Variants in TSHZ2 observed in about 807,000 individuals in gnomAD.
The protein encoded by TSHZ2 is teashirt zinc finger homeobox 2.
In TSHZ2, 21 loss-of-function variants were observed where a neutral mutation model predicts 74.4. The observed-to-expected ratio is 0.28, with a 90% CI of 0.20 to 0.41. The LOEUF (loss-of-function observed/expected upper bound fraction) is 0.41. TSHZ2 is among the 10% of genes least tolerant of loss of function. TSHZ2 has a pLI of 1.00. For synonymous variants in TSHZ2, 540 were observed against 515.3 expected (o/e 1.05, Z -0.65); for missense variants, 1,244 against 1,293.5 (o/e 0.96, Z 0.59).
At chr20:53,157,816 A>G (rs1987831996) in intron 1 of TSHZ2, among the ~76,000 whole-genome samples, 1 of 152,190 alleles carries the variant, frequency 6.6e-6, no homozygotes, top group East Asian at 1.9e-4. Flanking sequence ...CAACTCACAT[A>G]CATTAAATAC....
At chr20:53,050,130 T>TAGAC (rs1327417988) in intron 1 of TSHZ2, among the ~76,000 whole-genome samples, 1 of 88,346 alleles carries the variant, frequency 1.1e-5, no homozygotes, top group African/African-American at 6.8e-5. Context: ...TATATACACA[T>TAGAC]ATATATATGT....
At chr20:53,095,739 G>A (rs1477596578) in intron 1 of TSHZ2, among the ~76,000 whole-genome samples, 1 of 151,984 alleles carries the variant, frequency 6.6e-6, no homozygotes, top group Non-Finnish European at 1.5e-5. Context: ...CTCTACCCCT[G>A]TGATGCCAGT....
At chr20:53,480,087 A>AGAT (rs1230998319) in intron 2 of TSHZ2, among the ~76,000 whole-genome samples, 2 of 105,854 alleles carry the variant, frequency 1.9e-5, no homozygotes, top group African/African-American at 3.9e-5. Flanking sequence ...TTTTTTTTTG[A>AGAT]GATGGAGTTT....
intron 2 of TSHZ2, among the ~76,000 whole-genome samples, chr20:53,366,126 A>G (rs1188807561): frequency 2.6e-5 from 4 of 152,208 alleles, no homozygotes; most frequent in Admixed American, 1.3e-4. Context: ...CTGAGTGCCT[A>G]GTCACCTGAA....
chr20:53,430,912 C>T (rs1051048553), intron 2 of TSHZ2, among the ~76,000 whole-genome samples: 9 of 152,052 alleles, frequency 5.9e-5, no homozygotes, highest in South Asian at 2.1e-4. Context: ...TGCGTCTCCA[C>T]GCCCAGCTAA....
intron 2 of TSHZ2, among the ~76,000 whole-genome samples, chr20:53,426,449 C>A (rs1983659486): frequency 6.6e-6 from 1 of 152,074 alleles, no homozygotes; most frequent in Non-Finnish European, 1.5e-5. Context: ...GAATTTTCTT[C>A]TTCCTCTTCT....
chr20:53,240,614 T>C (rs1990040752), intron 1 of TSHZ2, among the ~76,000 whole-genome samples: 1 of 152,042 alleles, frequency 6.6e-6, no homozygotes, highest in Non-Finnish European at 1.5e-5. Flanking sequence ...GAAAGAAAGA[T>C]CTGGGTTTTG....
chr20:53,070,613 A>G (rs1185153601), intron 1 of TSHZ2, among the ~76,000 whole-genome samples: 3 of 152,184 alleles, frequency 2.0e-5, no homozygotes, highest in African/African-American at 7.2e-5. Flanking sequence ...ACACTTAAAC[A>G]TTGATTACCA....
At chr20:53,038,170 C>T (rs71356161) in intron 1 of TSHZ2, among the ~76,000 whole-genome samples, 8 of 121,080 alleles carry the variant, frequency 6.6e-5, no homozygotes, top group Non-Finnish European at 1.1e-4. Flanking sequence ...CCAGCCTGGG[C>T]GACAAGAGCG....
chr20:53,286,244 G>A (rs8118823), intron 2 of TSHZ2, among the ~76,000 whole-genome samples: 19,154 of 152,218 alleles, frequency 0.13, 1,279 homozygotes, highest in Middle Eastern at 0.23. Context: ...TAGAATTATT[G>A]TTGCTATTAT....
intron 2 of TSHZ2, among the ~76,000 whole-genome samples, chr20:53,442,982 C>T (rs569690080): frequency 6.6e-6 from 1 of 152,288 alleles, no homozygotes; most frequent in African/African-American, 2.4e-5. Flanking sequence ...GAACTGGATG[C>T]TTTTTTAATA....
chr20:53,196,525 G>A (rs1388213184), intron 1 of TSHZ2: 1 of 152,074 alleles, frequency 6.6e-6, no homozygotes, highest in Non-Finnish European at 1.5e-5. Context: ...CGGAATTATA[G>A]GAAGGACTCT....
At chr20:53,272,757 A>G (rs1990866198) in intron 2 of TSHZ2, among the ~76,000 whole-genome samples, 1 of 152,192 alleles carries the variant, frequency 6.6e-6, no homozygotes, top group Non-Finnish European at 1.5e-5. Context: ...ATCCGGGGTA[A>G]GAAATGTCTA....
At chr20:53,148,619 A>G (rs1400081594) in intron 1 of TSHZ2, among the ~76,000 whole-genome samples, 1 of 152,182 alleles carries the variant, frequency 6.6e-6, no homozygotes, top group African/African-American at 2.4e-5. Context: ...AGAAAAAAAA[A>G]GTTTTTGCAT....
At chr20:53,448,806 TG>T (rs1984659277) in intron 2 of TSHZ2, among the ~76,000 whole-genome samples, 1 of 152,206 alleles carries the variant, frequency 6.6e-6, no homozygotes, top group Non-Finnish European at 1.5e-5. Context: ...GATGTTTCTC[TG>T]GACCACATAT....
At chr20:53,078,860 CTGTTAAGTTTGA>C (rs886465742) in intron 1 of TSHZ2, among the ~76,000 whole-genome samples, 1 of 152,136 alleles carries the variant, frequency 6.6e-6, no homozygotes, top group Non-Finnish European at 1.5e-5. Context: ...CATTTGGGAA[CTGTTAAGTTTGA>C]TGTTCAAGAG....
At chr20:53,075,726 G>A (rs922112109) in intron 1 of TSHZ2, among the ~76,000 whole-genome samples, 3 of 152,210 alleles carry the variant, frequency 2.0e-5, no homozygotes, top group African/African-American at 7.2e-5. Flanking sequence ...CTAGGAGACT[G>A]AGGGAGTTCT....
intron 2 of TSHZ2, among the ~76,000 whole-genome samples, chr20:53,269,100 T>C (rs895834730): frequency 6.6e-6 from 1 of 152,098 alleles, no homozygotes; most frequent in Non-Finnish European, 1.5e-5. Flanking sequence ...CTGCCTTAGT[T>C]TGTGTTGAGG....
Position 53,221,909 on chromosome 20 carries a change from C to T in TSHZ2, c.41-31590C>T, listed in dbSNP as rs150216378. On this transcript the variant is annotated intron_variant, in intron 1 of 2. Transcript: ENST00000371497. Reference sequence around the variant, plus strand: ...TTAGTGTTATAGTTCATTCAAATTACTCACAAACTATCATATCAATCTCTT... The same window carrying T: ...TTAGTGTTATAGTTCATTCAAATTATTCACAAACTATCATATCAATCTCTT... Among the ~76,000 whole-genome samples, 26 of 152,270 alleles carry T rather than the reference C, an allele frequency of 1.7e-4. No individual in the cohort carries two copies. In the East Asian group the frequency reaches 4.8e-3, roughly 28 times the overall value.
Sources: allele counts gnomAD v4.1 joint callset (sites outside exome capture counted in the v4.1 genomes callset), GRCh38; gene constraint gnomAD v4.1.1; transcripts MANE v1.5; gene names NCBI Gene and HGNC (gene_info 2026-07-23, HGNC 2026-07-21).